GSN: variants seen among roughly 807,000 people sequenced by gnomAD.
GSN encodes the protein actin-depolymerizing factor.
A neutral mutation model predicts 85.7 loss-of-function variants in GSN; 56 were observed. The ratio of observed to expected loss-of-function variants is 0.65; its 90% CI spans 0.53 to 0.82. The LOEUF is 0.82. GSN is among the 40% of genes least tolerant of loss of function. GSN has a pLI of 0.00. For missense variants in GSN, 857 were observed against 979.8 expected, an observed-to-expected ratio of 0.87 and a Z score of 1.67; for synonymous variants, 373 against 399.1, an observed-to-expected ratio of 0.93 and a Z score of 0.78.
chr9:121,247,184 G>C (rs2054716523), intron 5 of GSN, among the ~76,000 whole-genome samples: 1 of 152,170 alleles, frequency 6.6e-6, no homozygotes, highest in Non-Finnish European at 1.5e-5. Context: ...GCTCACAGGG[G>C]CTTGCTCAAG....
chr9:121,259,721 G>A (rs554267792), intron 6 of GSN, among the ~76,000 whole-genome samples: 216 of 148,656 alleles, frequency 1.5e-3, no homozygotes, highest in Non-Finnish European at 2.5e-3. Flanking sequence ...CTTAAGAGCC[G>A]TGACTGTTGG....
At chr9:121,328,283 G>A (rs1028337491) in intron 14 of GSN, among the ~76,000 whole-genome samples, 1 of 152,218 alleles carries the variant, frequency 6.6e-6, no homozygotes, top group Non-Finnish European at 1.5e-5. Flanking sequence ...TTGGTCTAAA[G>A]CAGCTCTGTC....
At position 121,299,900 on chromosome 9, in the gene GSN, G is replaced by A. The variant is rs774541791; in HGVS notation, c.-9-2063G>A. On this transcript the variant is annotated intron_variant, in intron 2 of 17. Transcript: ENST00000432226. This position sits in a 1 kb window ranked among gnomAD's most constrained non-coding sequence, Gnocchi z 4.2. ...GCCCCGCGCCCGCGCTGCTTTGCGC[G>A]CTGTCCCTGGCGCTGTGCGCGCTGT... 1.4e-5 allele frequency: 18 copies of A among 1,297,298 alleles called. No individual in the cohort carries two copies. Among genetic ancestry groups the A allele is most frequent in the Non-Finnish European group, 1.7e-5 (17 of 1,015,688 alleles). 80.4% of individuals were successfully genotyped at this position (1,297,298 alleles called of 1,614,324 possible). A position where few individuals can be genotyped will look rare whatever the true frequency, so the allele number is the denominator to read the frequency against.
At chr9:121,277,917 ATAAC>A (rs199498629) in intron 1 of GSN, among the ~76,000 whole-genome samples, 37 of 142,730 alleles carry the variant, frequency 2.6e-4, no homozygotes, top group African/African-American at 8.1e-4. Flanking sequence ...AAAAACAACA[ATAAC>A]AAACAAACAA....
intron 4 of GSN, among the ~76,000 whole-genome samples, chr9:121,220,264 T>C (rs2054145483): frequency 6.6e-6 from 1 of 152,258 alleles, no homozygotes; most frequent in African/African-American, 2.4e-5. Flanking sequence ...TGTCATTGAA[T>C]TCCTTCCCGC....
intron 2 of GSN, among the ~76,000 whole-genome samples, chr9:121,298,715 G>T (rs987845970): frequency 6.6e-6 from 1 of 152,248 alleles, no homozygotes; most frequent in Admixed American, 6.5e-5. Context: ...TCCTGTCACT[G>T]CATCAGGCTG....
chr9:121,298,776 T>C (rs1450222893), intron 2 of GSN, among the ~76,000 whole-genome samples: 1 of 152,022 alleles, frequency 6.6e-6, no homozygotes, highest in Non-Finnish European at 1.5e-5. Context: ...GGTGGAGCAG[T>C]TGGATTCTGT....
In GSN at chr9:121,327,490, C is replaced by G; in HGVS notation, c.1762+8C>G. ...CAGAAGGCAGCGAGCCAGGTAGGAGCCGGGGTGGGGGGCCTGCTGCTGTCC... is the reference window on the plus strand; with the variant it reads ...CAGAAGGCAGCGAGCCAGGTAGGAGGCGGGGTGGGGGGCCTGCTGCTGTCC... On this transcript the variant is annotated splice_region_variant and intron_variant, in intron 14 of 17. Transcript: ENST00000432226. 8.4e-6 allele frequency: 13 copies of G among 1,556,748 alleles called. No individual in the cohort carries two copies. Among genetic ancestry groups the G allele is most frequent in the Non-Finnish European group, 1.1e-5 (13 of 1,149,456 alleles).
chr9:121,252,850 G>A (rs1448147795), intron 6 of GSN, among the ~76,000 whole-genome samples: 1 of 152,128 alleles, frequency 6.6e-6, no homozygotes, highest in Non-Finnish European at 1.5e-5. Flanking sequence ...GATACACCAG[G>A]GTAAGAAATT....
At chr9:121,320,652 CAAAAAAAA>C (rs564880956) in intron 10 of GSN, among the ~76,000 whole-genome samples, 2 of 81,818 alleles carry the variant, frequency 2.4e-5, no homozygotes, top group Admixed American at 1.2e-4. Context: ...TCTCAAAAAA[CAAAAAAAA>C]AAAAAAGAAA....
chr9:121,312,318 T>TCCTGGGTCTCTTGCTC (rs761808025), intron 5 of GSN, 21 bp from the exon 6 acceptor site: 2 of 1,613,896 alleles, frequency 1.2e-6, no homozygotes, highest in Admixed American at 3.3e-5. Flanking sequence ...GGCACTGACT[T>TCCTGGGTCTCTTGCTC]CCTGGGTCTC....
chr9:121,288,073 C>G (rs768692424), intron 2 of GSN, among the ~76,000 whole-genome samples: 15 of 152,170 alleles, frequency 9.9e-5, no homozygotes, highest in Non-Finnish European at 1.3e-4. Context: ...ACCACAGGCA[C>G]ACACCATCAT....
chr9:121,291,368 G>A (rs879742213), intron 2 of GSN, among the ~76,000 whole-genome samples: 4 of 151,182 alleles, frequency 2.6e-5, no homozygotes, highest in South Asian at 2.1e-4. Context: ...AACTGATCCC[G>A]CGTGGATAGG....
intron 5 of GSN, chr9:121,239,037 C>T: frequency 2.2e-6 from 1 of 450,736 alleles, no homozygotes; most frequent in South Asian, 1.7e-5. Flanking sequence ...CCAGTCAGTT[C>T]AGAGATGGGT....
intron 1 of GSN, among the ~76,000 whole-genome samples, chr9:121,273,085 T>C (rs923608745): frequency 1.3e-5 from 2 of 152,182 alleles, no homozygotes; most frequent in African/African-American, 2.4e-5. Context: ...TCCTGGGCTA[T>C]AAAGTATCCC....
intron 4 of GSN, among the ~76,000 whole-genome samples, chr9:121,227,214 TGAAACCCCGA>T (rs2054286014): frequency 2.0e-5 from 3 of 152,172 alleles, no homozygotes; most frequent in Non-Finnish European, 4.4e-5. Flanking sequence ...GCCAACATGG[TGAAACCCCGA>T]CTCTACTAAA....
intron 1 of GSN, among the ~76,000 whole-genome samples, chr9:121,277,738 G>A (rs2056847754): frequency 6.6e-6 from 1 of 151,790 alleles, no homozygotes; most frequent in South Asian, 2.1e-4. Flanking sequence ...TTGGAAGGGG[G>A]AGAAATACAG....
chr9:121,273,896 C>G (rs993893807), intron 1 of GSN, among the ~76,000 whole-genome samples: 1 of 152,082 alleles, frequency 6.6e-6, no homozygotes, highest in Non-Finnish European at 1.5e-5. Flanking sequence ...AAGATCACCC[C>G]CAAAGAACCA....
At chr9:121,282,386 A>G (rs1176802008) in intron 2 of GSN, 11 of 824,652 alleles carry the variant, frequency 1.3e-5, no homozygotes. Flanking sequence ...GCAATTGTGC[A>G]AGAACCCAGG....
Sources: allele counts gnomAD v4.1 joint callset (sites outside exome capture counted in the v4.1 genomes callset), GRCh38; gene constraint gnomAD v4.1.1; non-coding constraint Gnocchi (gnomAD v3.1); transcripts MANE v1.5; gene names NCBI Gene and HGNC (gene_info 2026-07-23, HGNC 2026-07-21).